The following GRIA1 variants were observed in gnomAD, a reference collection of about 807,000 sequenced individuals.
The protein encoded by GRIA1 is glutamate ionotropic receptor AMPA type subunit 1.
A neutral mutation model predicts 99.2 loss-of-function variants in GRIA1; 31 were observed. The ratio of observed to expected loss-of-function variants is 0.31; its 90% CI spans 0.23 to 0.42. The LOEUF is 0.42. Among genes scored for constraint, GRIA1 ranks in the 10% least tolerant of loss-of-function variants. The probability of loss-of-function intolerance (pLI) is 1.00; values close to 1 mark genes in which losing one functional copy is unlikely to be tolerated. For synonymous variants in GRIA1, 438 were observed against 432.4 expected (o/e 1.01, Z -0.16); for missense variants, 782 against 1,157.5 (o/e 0.68, Z 4.71).
intron 2 of GRIA1, among the ~76,000 whole-genome samples, chr5:153,494,857 G>A (rs892662736): frequency 6.6e-6 from 1 of 152,214 alleles, no homozygotes. Flanking sequence ...TTAAGCTCAA[G>A]TAAAAATTTA....
chr5:153,731,374 A>G (rs1761010354), intron 11 of GRIA1, among the ~76,000 whole-genome samples: 1 of 151,698 alleles, frequency 6.6e-6, no homozygotes, highest in Non-Finnish European at 1.5e-5. Flanking sequence ...TCTCTCTAAT[A>G]TACTCCTTCT....
At chr5:153,600,833 G>A (rs561834575) in intron 2 of GRIA1, among the ~76,000 whole-genome samples, 1 of 152,220 alleles carries the variant, frequency 6.6e-6, no homozygotes, top group Non-Finnish European at 1.5e-5. Context: ...AAAGACCTGG[G>A]AGGTGAAGCC....
intron 2 of GRIA1, among the ~76,000 whole-genome samples, chr5:153,499,456 A>C (rs980196045): frequency 2.0e-5 from 3 of 151,892 alleles, no homozygotes; most frequent in Admixed American, 6.6e-5. Context: ...TCTACTAAAA[A>C]TACAAAAACT....
chr5:153,720,438 T>C (rs1322945415), intron 11 of GRIA1, among the ~76,000 whole-genome samples: 1 of 152,186 alleles, frequency 6.6e-6, no homozygotes, highest in Non-Finnish European at 1.5e-5. Flanking sequence ...AACACTAAAA[T>C]AAGCCCAGTC....
intron 2 of GRIA1, among the ~76,000 whole-genome samples, chr5:153,504,679 G>A (rs1755327552): frequency 6.6e-6 from 1 of 151,842 alleles, no homozygotes; most frequent in Non-Finnish European, 1.5e-5. Flanking sequence ...GGGGTCTTTG[G>A]TAATCCTTGT....
chr5:153,800,309 C>G (rs2963997), intron 14 of GRIA1, among the ~76,000 whole-genome samples: 93,602 of 152,012 alleles, frequency 0.62, 29,754 homozygotes, highest in East Asian at 0.94. Flanking sequence ...TCTGTGAACT[C>G]TAAGTCCCCC....
intron 5 of GRIA1, among the ~76,000 whole-genome samples, chr5:153,663,635 G>A (rs1755534467): frequency 6.6e-6 from 1 of 152,136 alleles, no homozygotes; most frequent in South Asian, 2.1e-4. Context: ...TCCTAACTCT[G>A]TCACTTACTC....
chr5:153,534,705 C>T (rs1389997325), intron 2 of GRIA1, among the ~76,000 whole-genome samples: 6 of 152,028 alleles, frequency 3.9e-5, no homozygotes, highest in African/African-American at 9.7e-5. Context: ...GCTGTGTGAC[C>T]CTGAAGAAGT....
At chr5:153,683,343 A>C (rs79813164) in intron 7 of GRIA1, among the ~76,000 whole-genome samples, 1,896 of 152,274 alleles carry the variant, frequency 0.012, 34 homozygotes, top group African/African-American at 0.043. Flanking sequence ...TGCAAGTAAG[A>C]CTTGGCTTCC....
At position 153,563,383 on chromosome 5, in the gene GRIA1, C is replaced by T. The variant is rs116108685; in HGVS notation, c.220+69318C>T. On this transcript the variant is annotated intron_variant, in intron 2 of 15. Coordinates refer to ENST00000285900, the MANE Select transcript of GRIA1 (RefSeq NM_000827.4). The stretch of plus-strand genomic sequence containing the variant: ...GAGATATGGAAGACACCAATTGTTT[C>T]GTTCTCTAAGTGTTCAGAAACAACT... Among the ~76,000 whole-genome samples, 551 of 152,178 alleles carry T rather than the reference C, an allele frequency of 3.6e-3. 2 individuals carry two copies. Among genetic ancestry groups the T allele is most frequent in the African/African-American group, 0.013 (532 of 41,520 alleles).
At chr5:153,755,643 G>A (rs1762779900) in intron 11 of GRIA1, 1 of 152,210 alleles carries the variant, frequency 6.6e-6, no homozygotes, top group African/African-American at 2.4e-5. Flanking sequence ...AATAGCAACT[G>A]CACTGCAGCC....
intron 13 of GRIA1, among the ~76,000 whole-genome samples, chr5:153,772,385 GCA>G (rs751668815): frequency 6.6e-6 from 1 of 152,070 alleles, no homozygotes; most frequent in Non-Finnish European, 1.5e-5. Flanking sequence ...AGAAATCATT[GCA>G]CAGTCGATTA....
At chr5:153,746,788 G>A (rs2149584129) in intron 11 of GRIA1, among the ~76,000 whole-genome samples, 1 of 152,304 alleles carries the variant, frequency 6.6e-6, no homozygotes, top group East Asian at 1.9e-4. Context: ...AAGGAAATGG[G>A]AGGAAGTCCC....
At chr5:153,634,850 G>A (rs1218207968) in intron 2 of GRIA1, among the ~76,000 whole-genome samples, 1 of 152,188 alleles carries the variant, frequency 6.6e-6, no homozygotes, top group African/African-American at 2.4e-5. Flanking sequence ...GAGGGCAGGG[G>A]TCAGGAGTGA....
rs1387794357 is a variant in GRIA1 at position 153,698,921 on chromosome 5, C to T, written c.1300C>T (p.Arg434Cys). 7 of 1,613,748 alleles carry T rather than the reference C, an allele frequency of 4.3e-6. No individual in the cohort carries two copies. Among genetic ancestry groups the T allele is most frequent in the East Asian group, 4.5e-5 (2 of 44,868 alleles). Residue 434 changes from arginine (R) to cysteine (C), a missense_variant, in exon 10 of 16, where the codon CGT (arginine) becomes TGT (cysteine). By Grantham distance (180) the Arg-to-Cys change is radical (BLOSUM62 -3). Transcript: ENST00000285900. ...KNANQFEGND[R>C]YEGYCVELAA... is the part of the protein sequence containing the mutation. The stretch of plus-strand genomic sequence containing the variant: ...CGCCAATCAGTTTGAGGGCAATGAC[C>T]GTTACGAGGGCTACTGTGTAGAGCT...
At chr5:153,600,346 C>T (rs1319342533) in intron 2 of GRIA1, among the ~76,000 whole-genome samples, 1 of 140,272 alleles carries the variant, frequency 7.1e-6, no homozygotes, top group African/African-American at 2.7e-5. Context: ...GAGCCGAGAT[C>T]GCGCCGCTGC....
chr5:153,741,264 G>A lies in GRIA1; in HGVS notation c.1824-23170G>A, dbSNP rs146044863. 2.1e-4 allele frequency among the ~76,000 whole-genome samples: 32 copies of A among 152,174 alleles called. No individual in the cohort carries two copies. In the East Asian group the frequency reaches 2.9e-3, roughly 14 times the overall value. ...GCTGGGATTACAGGCGTGAGCCACC[G>A]CTCCCGGCCAGAAATTAGAATTCTT... On this transcript the variant is annotated intron_variant, in intron 11 of 15. Transcript: ENST00000285900.
chr5:153,503,202 A>G (rs1422774720), intron 2 of GRIA1, among the ~76,000 whole-genome samples: 2 of 152,042 alleles, frequency 1.3e-5, no homozygotes, highest in African/African-American at 4.8e-5. Context: ...TTTTGTTGTG[A>G]TTTTAAGGGA....
At chr5:153,524,391 T>C (rs1757424716) in intron 2 of GRIA1, among the ~76,000 whole-genome samples, 1 of 152,130 alleles carries the variant, frequency 6.6e-6, no homozygotes, top group Admixed American at 6.6e-5. Flanking sequence ...TCCGAAATGA[T>C]AGAGTCTGAA....
Sources: gnomAD v4.1 joint callset for allele counts (sites outside exome capture counted in the v4.1 genomes callset) on GRCh38, gnomAD v4.1.1 for gene constraint, MANE v1.5 for transcripts, NCBI Gene and HGNC (gene_info 2026-07-23, HGNC 2026-07-21) for gene names.